Variants in TAF2 observed in about 807,000 individuals in gnomAD.
TAF2 encodes the protein TATA-box binding protein associated factor 2.
A neutral mutation model predicts 138.5 loss-of-function variants in TAF2; 61 were observed. The ratio of observed to expected loss-of-function variants is 0.44; its 90% CI spans 0.36 to 0.54. The LOEUF (loss-of-function observed/expected upper bound fraction) is 0.54, where lower values mean the gene tolerates loss of function less well. TAF2 is among the 20% of genes least tolerant of loss of function. The probability of loss-of-function intolerance (pLI) is 0.00; values close to 1 mark genes in which losing one functional copy is unlikely to be tolerated. For missense variants in TAF2, 1,090 were observed against 1,427.9 expected, an observed-to-expected ratio of 0.76 and a Z score of 3.81; for synonymous variants, 475 against 469.9, an observed-to-expected ratio of 1.01 and a Z score of -0.14.
chr8:119,743,991 A>C (rs1183461365), intron 24 of TAF2, among the ~76,000 whole-genome samples: 1 of 152,188 alleles, frequency 6.6e-6, no homozygotes, highest in Non-Finnish European at 1.5e-5. Context: ...TGGTTACATG[A>C]AGTCAAGTCT....
chr8:119,744,519 A>T, intron 23 of TAF2, 126 bp from the exon 24 acceptor site: 1 of 795,812 alleles, frequency 1.3e-6, no homozygotes, highest in Non-Finnish European at 2.1e-6. Context: ...TTAAAATAAA[A>T]AGTAGTTTCT....
At chr8:119,793,294 T>C in intron 10 of TAF2, 72 bp downstream of exon 10, 2 of 1,296,424 alleles carry the variant, frequency 1.5e-6, no homozygotes, top group Non-Finnish European at 2.2e-6. Flanking sequence ...TGAAATACTA[T>C]TTAGCTCTTA....
intron 18 of TAF2, among the ~76,000 whole-genome samples, chr8:119,767,935 G>A (rs1185935585): frequency 6.6e-6 from 1 of 152,154 alleles, no homozygotes; most frequent in East Asian, 1.9e-4. Context: ...ATGCCACACT[G>A]CCACCTCGAG....
intron 25 of TAF2, among the ~76,000 whole-genome samples, chr8:119,735,135 T>A (rs772930692): frequency 6.6e-6 from 1 of 152,196 alleles, no homozygotes; most frequent in Non-Finnish European, 1.5e-5. Flanking sequence ...TTAACCACGA[T>A]GCTACAGTGT....
intron 11 of TAF2, 129 bp from the exon 12 acceptor site, chr8:119,789,875 G>A: frequency 3.2e-6 from 3 of 944,630 alleles, no homozygotes. Flanking sequence ...TTATTACACA[G>A]ATTATTCTAA....
chr8:119,798,818 G>A (rs1261497745), intron 6 of TAF2, among the ~76,000 whole-genome samples: 1 of 151,974 alleles, frequency 6.6e-6, no homozygotes, highest in Non-Finnish European at 1.5e-5. Flanking sequence ...CATAAGAGTG[G>A]AGAAAAGCAT....
chr8:119,741,227 A>C (rs2130990412), intron 25 of TAF2, among the ~76,000 whole-genome samples: 1 of 152,344 alleles, frequency 6.6e-6, no homozygotes, highest in East Asian at 1.9e-4. Flanking sequence ...CCACACCGCT[A>C]AGAAAAACCA....
chr8:119,755,090 TCAGA>T (rs1322050379), intron 22 of TAF2, among the ~76,000 whole-genome samples: 2 of 152,208 alleles, frequency 1.3e-5, no homozygotes, highest in East Asian at 3.8e-4. Context: ...TGAAAACAGT[TCAGA>T]CAAATCACAC....
intron 18 of TAF2, among the ~76,000 whole-genome samples, chr8:119,770,190 A>G (rs1252368143): frequency 6.6e-6 from 1 of 152,128 alleles, no homozygotes; most frequent in African/African-American, 2.4e-5. Context: ...TATTTGAGGA[A>G]ATAATTCAGG....
At chr8:119,769,884 A>G (rs1261515064) in intron 18 of TAF2, among the ~76,000 whole-genome samples, 2 of 151,724 alleles carry the variant, frequency 1.3e-5, no homozygotes, top group African/African-American at 4.8e-5. Flanking sequence ...CAGCCCCCCA[A>G]GTAGCTGGGA....
rs767448284 is a variant in TAF2 at position 119,742,684 on chromosome 8, G to A, written c.3215-28C>T. 7 of 1,612,208 alleles carry A rather than the reference G, an allele frequency of 4.3e-6. No homozygotes were observed. In the Admixed American group the frequency reaches 1.0e-4, roughly 23 times the overall value. ...AAAATGCCAAACAAGAGAAAAAAGA[G>A]GGATTTATTTCTTTGTTTCCCAAAA... On this transcript the variant is annotated intron_variant, in intron 24 of 25. Coordinates refer to ENST00000378164, the MANE Select transcript of TAF2 (RefSeq NM_003184.4).
chr8:119,789,205 C>T (rs1823245965), intron 12 of TAF2, among the ~76,000 whole-genome samples: 1 of 152,108 alleles, frequency 6.6e-6, no homozygotes, highest in African/African-American at 2.4e-5. Flanking sequence ...TTCCAAGATA[C>T]CACTCAAATT....
chr8:119,821,348 A>G (rs76016036), intron 2 of TAF2, among the ~76,000 whole-genome samples: 2,278 of 152,246 alleles, frequency 0.015, 61 homozygotes, highest in African/African-American at 0.052. Flanking sequence ...ATTCTCCTGG[A>G]GCCCACACTC....
chr8:119,760,807 T>C, intron 19 of TAF2, 69 bp from the exon 20 acceptor site: 4 of 1,597,048 alleles, frequency 2.5e-6, no homozygotes, highest in Non-Finnish European at 3.4e-6. Context: ...TTCCTAGGCA[T>C]TAGAGAATCC....
chr8:119,733,186 C>T (rs888107217), intron 25 of TAF2, among the ~76,000 whole-genome samples: 11 of 152,094 alleles, frequency 7.2e-5, no homozygotes, highest in African/African-American at 2.7e-4. Context: ...AACTGATATA[C>T]CCATAAACAT....
intron 18 of TAF2, among the ~76,000 whole-genome samples, chr8:119,775,189 G>A (rs1248431394): frequency 1.3e-5 from 2 of 150,240 alleles, no homozygotes; most frequent in Middle Eastern, 3.2e-3. Flanking sequence ...GCCGAGGCAG[G>A]AGAATCGCTT....
At chr8:119,809,379 G>A (rs1316571953) in intron 3 of TAF2, among the ~76,000 whole-genome samples, 1 of 152,136 alleles carries the variant, frequency 6.6e-6, no homozygotes, top group Non-Finnish European at 1.5e-5. Flanking sequence ...TGGTGTGGCT[G>A]GTTTGATTTT....
intron 25 of TAF2, among the ~76,000 whole-genome samples, chr8:119,734,942 C>T (rs1819127443): frequency 6.6e-6 from 1 of 152,102 alleles, no homozygotes; most frequent in African/African-American, 2.4e-5. Context: ...AATTTAAAAC[C>T]TAATTCAAAT....
At chr8:119,732,737 G>A (rs532745761) in intron 25 of TAF2, among the ~76,000 whole-genome samples, 158 of 152,274 alleles carry the variant, frequency 1.0e-3, no homozygotes, top group African/African-American at 3.2e-3. Flanking sequence ...CTGGGAGGCC[G>A]AGGTTGCAGT....
Sources: gnomAD v4.1 joint callset for allele counts (sites outside exome capture counted in the v4.1 genomes callset) on GRCh38, gnomAD v4.1.1 for gene constraint, MANE v1.5 for transcripts, NCBI Gene and HGNC (gene_info 2026-07-23, HGNC 2026-07-21) for gene names.